Variants in CACNA1G observed in about 807,000 individuals in gnomAD.
CACNA1G encodes the protein calcium voltage-gated channel subunit alpha1 G.
In CACNA1G, 67 loss-of-function variants were observed where a neutral mutation model predicts 219.4. That is an observed-to-expected ratio of 0.31 (90% CI 0.25 to 0.37). The LOEUF is 0.37. Among genes scored for constraint, CACNA1G ranks in the 10% least tolerant of loss-of-function variants. The probability of loss-of-function intolerance (pLI) is 1.00; values close to 1 mark genes in which losing one functional copy is unlikely to be tolerated. For synonymous variants in CACNA1G, 1,296 were observed against 1,345.3 expected (o/e 0.96, Z 0.80); for missense variants, 2,380 against 3,231.4 (o/e 0.74, Z 6.39).
Position 50,576,124 on chromosome 17 carries a change from G to A in CACNA1G, c.1722G>A (p.Arg574=), listed in dbSNP as rs1249126135. 1.9e-6 allele frequency: 3 copies of A among 1,603,618 alleles called. No homozygotes were observed. Among genetic ancestry groups the A allele is most frequent in the Non-Finnish European group, 2.6e-6 (3 of 1,175,930 alleles). The change falls in exon 8 of 38, where the codon AGG becomes AGA. Residue 574 remains arginine, a synonymous_variant. Transcript: ENST00000359106. ...EPVRCQAPPP[R]SPSEASGRTV... is the part of the protein sequence containing the mutation. ...TCCGCTGCCAGGCGCCCCCTCCCAGGTCCCCATCTGAGGCATCCGGCAGGA... is the reference window on the plus strand; with the variant it reads ...TCCGCTGCCAGGCGCCCCCTCCCAGATCCCCATCTGAGGCATCCGGCAGGA...
chr17:50,599,769 T>C lies in CACNA1G; in HGVS notation c.3600T>C (p.Asn1200=), dbSNP rs544524414. ...RGSASEHQDC[N]GKSASGRLAR... The stretch of plus-strand genomic sequence containing the variant: ...CTGCTTCTGAGCACCAGGACTGCAA[T>C]GGCAAGTCGGCTTCAGGGCGCCTGG... Residue 1200 remains asparagine (N), a synonymous_variant, in exon 17 of 38, where the codon AAT becomes AAC. Transcript: ENST00000359106. 1.9e-6 allele frequency: 3 copies of C among 1,613,514 alleles called. No individual in the cohort carries two copies. The African/African-American group carries it at 4.0e-5, about 21-fold the overall frequency.
chr17:50,589,912 C>CTCTCTCTCTCTCTCTCTGTG (rs1326523232), intron 9 of CACNA1G, among the ~76,000 whole-genome samples: 2 of 141,836 alleles, frequency 1.4e-5, no homozygotes, highest in African/African-American at 5.7e-5. Flanking sequence ...CTCTCTCTCT[C>CTCTCTCTCTCTCTCTCTGTG]TGTGTGTGTG....
chr17:50,624,324 T>TGCCCCCCCCCCCCCCCCCCCGGCCCCC, intron 36 of CACNA1G, 36 bp from the exon 37 acceptor site: 6 of 1,177,644 alleles, frequency 5.1e-6, no homozygotes, highest in Non-Finnish European at 6.1e-6. Flanking sequence ...CTCCATTCTC[T>TGCCCCCCCCCCCCCCCCCCCGGCCCCC]CCCCCCACCC....
intron 9 of CACNA1G, among the ~76,000 whole-genome samples, chr17:50,583,577 C>G (rs550452361): frequency 2.0e-5 from 3 of 151,630 alleles, no homozygotes; most frequent in Admixed American, 6.6e-5. Context: ...ATCCCCAGCT[C>G]TCCTTCGGAA....
rs189451389 is a variant in CACNA1G, at chr17:50,579,186, A to C, written c.2301+622A>C. On this transcript the variant is annotated intron_variant, in intron 9 of 37. Coordinates refer to ENST00000359106, the MANE Select transcript of CACNA1G (RefSeq NM_018896.5). ...GGACTTGAAGCCATCGCGTTTGAGG[A>C]ATGATTCTAAGAACCGGGATGTTTA... Among the ~76,000 whole-genome samples, 5 of 152,244 alleles carry C rather than the reference A, an allele frequency of 3.3e-5. No homozygotes were observed. The East Asian group carries it at 9.7e-4, about 29-fold the overall frequency.
intron 9 of CACNA1G, among the ~76,000 whole-genome samples, chr17:50,585,451 C>T (rs2042812626): frequency 6.6e-6 from 1 of 152,182 alleles, no homozygotes; most frequent in African/African-American, 2.4e-5. Flanking sequence ...ATGTCACCTA[C>T]ACCCCAATGA....
At chr17:50,602,108 G>T (rs2046813759) in intron 19 of CACNA1G, among the ~76,000 whole-genome samples, 1 of 152,186 alleles carries the variant, frequency 6.6e-6, no homozygotes, top group South Asian at 2.1e-4. Flanking sequence ...CTGAGGCCCT[G>T]CTGTAGAGCT....
intron 9 of CACNA1G, among the ~76,000 whole-genome samples, chr17:50,588,820 A>G (rs757417): frequency 0.45 from 68,600 of 151,924 alleles, 16,500 homozygotes; most frequent in East Asian, 0.89. Context: ...TCTCTGAGTA[A>G]CTGTTGTCCC....
At chr17:50,589,614 C>T (rs559856077) in intron 9 of CACNA1G, among the ~76,000 whole-genome samples, 2 of 152,146 alleles carry the variant, frequency 1.3e-5, no homozygotes, top group South Asian at 2.1e-4. Flanking sequence ...GTTCGTCATT[C>T]GTCCTTCTGA....
At chr17:50,564,520 G>T (rs541083520) in intron 1 of CACNA1G, among the ~76,000 whole-genome samples, 24 of 145,690 alleles carry the variant, frequency 1.6e-4, no homozygotes, top group Non-Finnish European at 3.5e-4. Flanking sequence ...GGAGGAGAGG[G>T]GGGGGAGGCC....
At chr17:50,610,812 G>A (rs2049032225) in intron 26 of CACNA1G, among the ~76,000 whole-genome samples, 1 of 152,174 alleles carries the variant, frequency 6.6e-6, no homozygotes, top group South Asian at 2.1e-4. Flanking sequence ...ACTAATCAGA[G>A]GCGCATCTAA....
chr17:50,576,321 G>C lies in CACNA1G; in HGVS notation c.1919G>C (p.Ser640Thr), dbSNP rs368772620. 2.5e-6 allele frequency: 4 copies of C among 1,568,776 alleles called. No homozygotes were observed. Among genetic ancestry groups the C allele is most frequent in the Admixed American group, 1.9e-5 (1 of 53,658 alleles). ...SSMHKLLETQ[S>T]TGACQSSCKI... ...ATGCACAAGCTGCTGGAGACACAGA[G>C]TACAGGTGAGAACTCTGGGTGGAGG... Residue 640 changes from serine to threonine, a missense_variant, in exon 8 of 38, where the codon AGT becomes ACT. Around this residue, in one of 17 missense-constraint regions of CACNA1G, gnomAD observed 434 missense variants for 417.3 expected, o/e 1.04. Transcript: ENST00000359106.
At chr17:50,610,420 G>A (rs879770161) in intron 26 of CACNA1G, among the ~76,000 whole-genome samples, 4 of 152,200 alleles carry the variant, frequency 2.6e-5, no homozygotes, top group South Asian at 4.2e-4. Context: ...CTGCGTCATC[G>A]CTACAAACAG....
intron 36 of CACNA1G, 36 bp from the exon 37 acceptor site, chr17:50,624,324 T>TCCCCCCCCCCCCCCCCCCCCTTCCCCC: frequency 8.5e-7 from 1 of 1,177,652 alleles, no homozygotes; most frequent in Non-Finnish European, 1.2e-6. Context: ...CTCCATTCTC[T>TCCCCCCCCCCCCCCCCCCCCTTCCCCC]CCCCCCACCC....
chr17:50,581,388 G>A (rs576115603), intron 9 of CACNA1G, among the ~76,000 whole-genome samples: 16 of 152,082 alleles, frequency 1.1e-4, no homozygotes, highest in African/African-American at 3.4e-4. Flanking sequence ...TCCCGGAATC[G>A]ATTGGATGGG....
At position 50,617,315 on chromosome 17, in the gene CACNA1G, G is replaced by T; in HGVS notation, c.5022-123G>T. 9.2e-7 allele frequency: 1 copy of T among 1,089,846 alleles called. No individual in the cohort carries two copies. 67.5% of individuals were successfully genotyped at this position (1,089,846 alleles called of 1,614,324 possible). A position where few individuals can be genotyped will look rare whatever the true frequency, so the allele number is the denominator to read the frequency against. ...GATAAGCCACGCCTCTTCTCTGTGG[G>T]ATGGGAGGCTGGACCCGCTGATGTC... On this transcript the variant is annotated intron_variant, in intron 28 of 37. Transcript: ENST00000359106. The surrounding 1 kb of genome is among the most constrained non-coding windows in gnomAD (Gnocchi z 5.8).
At chr17:50,601,022 T>C (rs1231856220) in intron 18 of CACNA1G, 29 bp from the exon 19 acceptor site, 2 of 1,609,492 alleles carry the variant, frequency 1.2e-6, no homozygotes, top group South Asian at 1.1e-5. Flanking sequence ...TGCCTCCCCC[T>C]CTCAGCCGTT....
At chr17:50,567,970 G>T (rs140574575) in intron 1 of CACNA1G, among the ~76,000 whole-genome samples, 42 of 152,166 alleles carry the variant, frequency 2.8e-4, no homozygotes, top group Admixed American at 2.6e-3. Context: ...TTGGGGGAGG[G>T]GGTAGACATT....
In CACNA1G at chr17:50,564,520, G is replaced by A. The variant is rs541083520; in HGVS notation, c.242+2819G>A. Among the ~76,000 whole-genome samples, 57 of 145,818 alleles carry A rather than the reference G, an allele frequency of 3.9e-4. No individual in the cohort carries two copies. The East Asian group carries it at 4.3e-3, about 11-fold the overall frequency. On this transcript the variant is annotated intron_variant, in intron 1 of 37. Coordinates refer to ENST00000359106, the MANE Select transcript of CACNA1G (RefSeq NM_018896.5). ...CTGCCAGGAGTCGGGGGAGGAGAGG[G>A]GGGGGAGGCCTGAACGGCAGGAGCC...
Sources: allele counts gnomAD v4.1 joint callset (sites outside exome capture counted in the v4.1 genomes callset), GRCh38; gene constraint gnomAD v4.1.1; regional missense constraint gnomAD v4.1.1; non-coding constraint Gnocchi (gnomAD v3.1); transcripts MANE v1.5; gene names NCBI Gene and HGNC (gene_info 2026-07-23, HGNC 2026-07-21).